PRKCQ: variants seen among roughly 807,000 people sequenced by gnomAD.
PRKCQ encodes the protein protein kinase C theta, also known as protein kinase C theta type.
Under a neutral mutation model 91.2 loss-of-function variants are expected in PRKCQ, and 41 were observed. That is an observed-to-expected ratio of 0.45 (90% CI 0.35 to 0.58). PRKCQ has a LOEUF of 0.58. PRKCQ is among the 20% of genes least tolerant of loss of function. The pLI, the probability that PRKCQ is intolerant of heterozygous loss-of-function variation, is 0.00. For synonymous variants in PRKCQ, 307 were observed against 316.9 expected, an observed-to-expected ratio of 0.97 and a Z score of 0.33; for missense variants, 673 against 896.5, an observed-to-expected ratio of 0.75 and a Z score of 3.18.
intron 15 of PRKCQ, among the ~76,000 whole-genome samples, chr10:6,447,599 A>G (rs1834387296): frequency 6.6e-6 from 1 of 152,078 alleles, no homozygotes; most frequent in Admixed American, 6.5e-5. Flanking sequence ...TCCCCAGTTG[A>G]GGGAGCACAG....
rs1230914236 is a variant in PRKCQ, at chr10:6,576,401, A to C, written c.-10+3810T>G. The stretch of plus-strand genomic sequence containing the variant: ...AGGAAGTCCTGTCCAATGCTGTCAC[A>C]TGGATACAGCTTGAGAACACTATGC... On this transcript the variant is annotated intron_variant, in intron 1 of 17. Transcript: ENST00000263125. This position sits in a 1 kb window ranked among gnomAD's most constrained non-coding sequence, Gnocchi z 4.2. Among the ~76,000 whole-genome samples, 1 of 152,258 alleles carries C rather than the reference A, an allele frequency of 6.6e-6. No individual in the cohort carries two copies. The highest frequency in any genetic ancestry group is 1.5e-5 in the Non-Finnish European group (1 of 68,044).
chr10:6,440,054 G>A (rs1833892919), intron 16 of PRKCQ, among the ~76,000 whole-genome samples: 1 of 152,124 alleles, frequency 6.6e-6, no homozygotes, highest in African/African-American at 2.4e-5. Context: ...GATAGTGAGA[G>A]TATAGTTTCA....
intron 4 of PRKCQ, among the ~76,000 whole-genome samples, chr10:6,499,953 T>C (rs1434728458): frequency 1.3e-5 from 2 of 152,230 alleles, no homozygotes; most frequent in Admixed American, 6.5e-5. Flanking sequence ...TTCTGTAGTG[T>C]CCGCAGATTT....
chr10:6,490,382 T>C (rs2130799448), intron 8 of PRKCQ, among the ~76,000 whole-genome samples: 1 of 151,988 alleles, frequency 6.6e-6, no homozygotes, highest in African/African-American at 2.4e-5. Flanking sequence ...AAAATAGGGC[T>C]GCCAAGAAAA....
At chr10:6,559,677 C>G (rs932796609) in intron 1 of PRKCQ, among the ~76,000 whole-genome samples, 1 of 152,054 alleles carries the variant, frequency 6.6e-6, no homozygotes, top group Non-Finnish European at 1.5e-5. Context: ...TTTCTGTTAA[C>G]CATGATTTTG....
At chr10:6,441,611 C>G (rs980853656) in intron 16 of PRKCQ, among the ~76,000 whole-genome samples, 1 of 152,156 alleles carries the variant, frequency 6.6e-6, no homozygotes, top group African/African-American at 2.4e-5. Flanking sequence ...GTTTAATGAA[C>G]CAACTACATC....
chr10:6,546,242 A>C (rs1248397678), intron 1 of PRKCQ, among the ~76,000 whole-genome samples: 4 of 152,168 alleles, frequency 2.6e-5, no homozygotes, highest in African/African-American at 7.2e-5. Context: ...GTATCAATTA[A>C]TAGTAAGCGT....
intron 1 of PRKCQ, among the ~76,000 whole-genome samples, chr10:6,516,414 T>A (rs1263527902): frequency 2.0e-5 from 3 of 152,224 alleles, no homozygotes; most frequent in Non-Finnish European, 4.4e-5. Context: ...GGGTTCCGTA[T>A]CTGTCACGTT....
chr10:6,539,580 G>T (rs1458141166), intron 1 of PRKCQ, among the ~76,000 whole-genome samples: 1 of 152,006 alleles, frequency 6.6e-6, no homozygotes, highest in Non-Finnish European at 1.5e-5. Context: ...CATTCTACAT[G>T]ATGGTGAGTT....
intron 1 of PRKCQ, among the ~76,000 whole-genome samples, chr10:6,572,371 G>A (rs533358116): frequency 2.0e-5 from 3 of 151,982 alleles, no homozygotes; most frequent in Non-Finnish European, 4.4e-5. Context: ...TTTTCCTAAT[G>A]CTCTCCCTCC....
intron 3 of PRKCQ, among the ~76,000 whole-genome samples, chr10:6,509,046 A>G (rs1383003048): frequency 6.6e-6 from 1 of 152,222 alleles, no homozygotes; most frequent in Non-Finnish European, 1.5e-5. Context: ...CTTAAAATAA[A>G]AGTAAATTAA....
intron 1 of PRKCQ, among the ~76,000 whole-genome samples, chr10:6,530,912 T>C (rs1839368701): frequency 6.6e-6 from 1 of 152,228 alleles, no homozygotes; most frequent in Non-Finnish European, 1.5e-5. Context: ...TCTCTATTTT[T>C]CCTCCTCACT....
chr10:6,555,079 G>A (rs1346631647), intron 1 of PRKCQ, among the ~76,000 whole-genome samples: 1 of 151,822 alleles, frequency 6.6e-6, no homozygotes, highest in Non-Finnish European at 1.5e-5. Context: ...CTAAATATTG[G>A]GTACTCATGG....
At chr10:6,441,228 A>G (rs913274847) in intron 16 of PRKCQ, among the ~76,000 whole-genome samples, 2 of 152,154 alleles carry the variant, frequency 1.3e-5, no homozygotes, top group Admixed American at 6.5e-5. Flanking sequence ...AAAACCCTCT[A>G]TATAACATAA....
rs1320339089 is a variant in PRKCQ, at chr10:6,557,274, G to A, written c.-10+22937C>T. ...GATCTATCTTGCTCCCTGCAAGAGC[G>A]CTGATGACTTGGTCATTTCCAGACC... is the stretch of plus-strand genomic sequence containing the variant. On this transcript the variant is annotated intron_variant, in intron 1 of 17. Transcript: ENST00000263125. Among the ~76,000 whole-genome samples, 4 of 152,128 alleles carry A rather than the reference G, an allele frequency of 2.6e-5. No individual in the cohort carries two copies. In the South Asian group the frequency reaches 6.2e-4, roughly 24 times the overall value.
Position 6,430,890 on chromosome 10 carries a change from G to A in PRKCQ, c.1885C>T (p.Arg629Cys), listed in dbSNP as rs1231902533. The A allele has an allele frequency of 4.3e-6, 7 of 1,614,152 alleles. No individual in the cohort carries two copies. Among genetic ancestry groups the A allele is most frequent in the South Asian group, 1.1e-5 (1 of 91,076 alleles). ...ATCTCCCGAAACAAAGGGTGCTGGCGGATGTCTCCCCTCACGCCCAGCCTC... is the reference window on the plus strand; with the variant it reads ...ATCTCCCGAAACAAAGGGTGCTGGCAGATGTCTCCCCTCACGCCCAGCCTC... ...EKRLGVRGDI[R>C]QHPLFREINW... Residue 629 changes from arginine (R) to cysteine (C), a missense_variant, in exon 17 of 18, where the codon CGC becomes TGC. Arg to Cys is a radical substitution (Grantham distance 180). Transcript: ENST00000263125. The surrounding 1 kb of genome is among the most constrained non-coding windows in gnomAD (Gnocchi z 4.7).
At chr10:6,463,412 G>A (rs1381766990) in intron 13 of PRKCQ, among the ~76,000 whole-genome samples, 1 of 152,156 alleles carries the variant, frequency 6.6e-6, no homozygotes, top group African/African-American at 2.4e-5. Context: ...AGTGGACTAA[G>A]TGAATTCTTT....
intron 1 of PRKCQ, among the ~76,000 whole-genome samples, chr10:6,544,912 G>A (rs1210793386): frequency 1.3e-5 from 2 of 151,564 alleles, no homozygotes; most frequent in Non-Finnish European, 2.9e-5. Context: ...GAGCCACTGC[G>A]CCCAGACCCA....
the PRKCQ span, among the ~76,000 whole-genome samples, chr10:6,404,717 C>T: frequency 7.1e-6 from 1 of 140,568 alleles, no homozygotes; most frequent in Non-Finnish European, 1.5e-5. Flanking sequence ...TTCTTTCTCT[C>T]TCTCTCCTTC....
Sources: gnomAD v4.1 joint callset for allele counts (sites outside exome capture counted in the v4.1 genomes callset) on GRCh38, gnomAD v4.1.1 for gene constraint, Gnocchi (gnomAD v3.1) non-coding constraint, MANE v1.5 for transcripts, NCBI Gene and HGNC (gene_info 2026-07-23, HGNC 2026-07-21) for gene names.